RGS5: variants seen among roughly 807,000 people sequenced by gnomAD.
RGS5 encodes the protein regulator of G-protein signalling 5.
Under a neutral mutation model 18.9 loss-of-function variants are expected in RGS5, and 20 were observed. That is an observed-to-expected ratio of 1.06 (90% confidence interval 0.74 to 1.54). The LOEUF is 1.54. Ranked by LOEUF, RGS5 falls within the 40% of genes most tolerant of loss-of-function variation. The probability of loss-of-function intolerance (pLI) is 0.00; values close to 1 mark genes in which losing one functional copy is unlikely to be tolerated. For missense variants in RGS5, 201 were observed against 211.8 expected, an observed-to-expected ratio of 0.95 and a Z score of 0.32; for synonymous variants, 57 against 76.2, an observed-to-expected ratio of 0.75 and a Z score of 1.31.
intron 2 of RGS5, among the ~76,000 whole-genome samples, chr1:163,233,613 A>G (rs1184765610): frequency 1.3e-5 from 2 of 152,222 alleles, no homozygotes; most frequent in Admixed American, 1.3e-4. Flanking sequence ...GCTGAGTCCA[A>G]AAAGAGAGTC....
intron 2 of RGS5, chr1:163,304,627 A>C (rs41272009): frequency 2.6e-5 from 4 of 152,328 alleles, no homozygotes; most frequent in Non-Finnish European, 5.9e-5. Flanking sequence ...CTGTATATTA[A>C]TATGCACACA....
chr1:163,274,312 C>T (rs1432390859), intron 2 of RGS5, among the ~76,000 whole-genome samples: 1 of 133,012 alleles, frequency 7.5e-6, no homozygotes, highest in East Asian at 1.9e-4. Flanking sequence ...GAGAAGGGAG[C>T]TGGAGATTGA....
intron 2 of RGS5, among the ~76,000 whole-genome samples, chr1:163,242,927 A>G (rs1204718476): frequency 6.6e-6 from 1 of 152,226 alleles, no homozygotes; most frequent in Non-Finnish European, 1.5e-5. Context: ...AGGAGTTTCT[A>G]TAACTGCAAC....
chr1:163,214,578 T>C (rs1370994606), intron 1 of RGS5, among the ~76,000 whole-genome samples: 1 of 152,104 alleles, frequency 6.6e-6, no homozygotes, highest in East Asian at 1.9e-4. Context: ...TGCTTCAGTC[T>C]CTCTTCAAGA....
At chr1:163,311,496 T>C (rs537334652) in intron 1 of RGS5, among the ~76,000 whole-genome samples, 11 of 152,324 alleles carry the variant, frequency 7.2e-5, no homozygotes, top group African/African-American at 2.6e-4. Flanking sequence ...CATTTCTAGT[T>C]TTTATTTTAA....
intron 2 of RGS5, among the ~76,000 whole-genome samples, chr1:163,233,646 A>C (rs1339876311): frequency 6.6e-6 from 1 of 152,204 alleles, no homozygotes; most frequent in Admixed American, 6.5e-5. Context: ...TGGGATTATC[A>C]TTAGTTCTTA....
upstream of RGS5, among the ~76,000 whole-genome samples, chr1:163,206,457 C>T (rs953157230): frequency 2.6e-5 from 4 of 151,998 alleles, no homozygotes; most frequent in South Asian, 2.1e-4. Flanking sequence ...TTAAGATTTT[C>T]GTGTATGGTA....
intron 2 of RGS5, among the ~76,000 whole-genome samples, chr1:163,279,674 C>A (rs1648942149): frequency 6.6e-6 from 1 of 151,578 alleles, no homozygotes; most frequent in Non-Finnish European, 1.5e-5. Flanking sequence ...CAGAGCAGAG[C>A]TAAACAAAAC....
At chr1:163,307,839 G>A (rs1487755731) in intron 1 of RGS5, among the ~76,000 whole-genome samples, 1 of 152,126 alleles carries the variant, frequency 6.6e-6, no homozygotes, top group Admixed American at 6.5e-5. Context: ...CTTCACCACA[G>A]CAGCCTTATT....
chr1:163,236,373 GA>G lies in RGS5; in HGVS notation c.-280-68006del, dbSNP rs564893106. Among the ~76,000 whole-genome samples the G allele has an allele frequency of 2.8e-5, 4 of 143,280 alleles. No homozygotes were observed. The South Asian group carries it at 8.8e-4, about 32-fold the overall frequency. 94.0% of individuals were successfully genotyped at this position (143,280 alleles called of 152,430 possible). A position where few individuals can be genotyped will look rare whatever the true frequency, so the allele number is the denominator to read the frequency against. The stretch of plus-strand genomic sequence containing the variant: ...ATTATCTCAAGTGGTGTTTCTGAGT[GA>G]ATTAGAAAAAAAAAATTGTTTCTTC... On this transcript the variant is annotated intron_variant, in intron 2 of 5. Transcript: ENST00000618415.
intron 3 of RGS5, among the ~76,000 whole-genome samples, chr1:163,158,564 T>A (rs1236838349): frequency 1.3e-5 from 2 of 152,138 alleles, no homozygotes; most frequent in Non-Finnish European, 1.5e-5. Flanking sequence ...GGTTCCATAA[T>A]GCCCCTGAGC....
At chr1:163,181,028 C>A (rs1027752689) in intron 1 of RGS5, among the ~76,000 whole-genome samples, 2 of 152,032 alleles carry the variant, frequency 1.3e-5, no homozygotes, top group Non-Finnish European at 2.9e-5. Flanking sequence ...CTGATCTGTT[C>A]TCCATCCTTA....
intron 2 of RGS5, 103 bp downstream of exon 2, chr1:163,168,155 G>T: frequency 1.2e-6 from 1 of 810,538 alleles, no homozygotes; most frequent in South Asian, 1.8e-5. Flanking sequence ...GATCCTTAAT[G>T]AGTAATTGAA....
intron 3 of RGS5, chr1:163,161,710 C>A: frequency 2.0e-6 from 1 of 497,764 alleles, no homozygotes. Flanking sequence ...ACCTTATGTT[C>A]ACATTCCCTC....
chr1:163,280,754 C>T (rs994669138), intron 2 of RGS5, among the ~76,000 whole-genome samples: 1 of 151,538 alleles, frequency 6.6e-6, no homozygotes. Flanking sequence ...GCATTCTTCA[C>T]AAAAATAAAA....
At chr1:163,225,436 AAGT>A (rs1387871322) in intron 2 of RGS5, among the ~76,000 whole-genome samples, 6 of 152,138 alleles carry the variant, frequency 3.9e-5, no homozygotes, top group African/African-American at 1.4e-4. Flanking sequence ...ATATAGAATT[AAGT>A]CTTGTGTTTG....
At chr1:163,287,299 C>G (rs994839681) in intron 2 of RGS5, among the ~76,000 whole-genome samples, 1 of 152,188 alleles carries the variant, frequency 6.6e-6, no homozygotes, top group African/African-American at 2.4e-5. Flanking sequence ...TTGAGCCTTA[C>G]TCTCCTTATA....
At chr1:163,297,961 T>C (rs1260467100) in intron 2 of RGS5, among the ~76,000 whole-genome samples, 3 of 152,180 alleles carry the variant, frequency 2.0e-5, no homozygotes, top group Non-Finnish European at 4.4e-5. Flanking sequence ...CATTAGGGAA[T>C]ATCTCCAAGA....
chr1:163,312,577 A>G (rs554389379), intron 1 of RGS5, among the ~76,000 whole-genome samples: 48 of 152,360 alleles, frequency 3.2e-4, no homozygotes, highest in Non-Finnish European at 6.8e-4. Context: ...CGACAGTGAT[A>G]TGAACCAGGA....
Sources: allele counts gnomAD v4.1 joint callset (sites outside exome capture counted in the v4.1 genomes callset), GRCh38; gene constraint gnomAD v4.1.1; transcripts MANE v1.5; gene names NCBI Gene and HGNC (gene_info 2026-07-23, HGNC 2026-07-21).